The following STK32A variants were observed in gnomAD, a reference collection of about 807,000 sequenced individuals.
STK32A encodes the protein serine/threonine kinase 32A, also known as serine/threonine-protein kinase 32A.
In STK32A, 41 loss-of-function variants were observed where a neutral mutation model predicts 53.2. The ratio of observed to expected loss-of-function variants is 0.77; its 90% CI spans 0.60 to 1.00. The LOEUF (loss-of-function observed/expected upper bound fraction) is 1.00. Ranked by LOEUF, STK32A falls within the 50% of genes least tolerant of loss-of-function variation. STK32A has a pLI of 0.00. For synonymous variants in STK32A, 166 were observed against 162.8 expected (o/e 1.02, Z -0.15); for missense variants, 458 against 485.8 (o/e 0.94, Z 0.54).
At chr5:147,248,357 G>T (rs2151941196) in intron 2 of STK32A, among the ~76,000 whole-genome samples, 1 of 151,960 alleles carries the variant, frequency 6.6e-6, no homozygotes, top group East Asian at 1.9e-4. Flanking sequence ...ATTCTTCCCT[G>T]TCATTCAGTT....
chr5:147,303,052 A>C (rs182651750), intron 4 of STK32A, among the ~76,000 whole-genome samples: 2 of 152,302 alleles, frequency 1.3e-5, no homozygotes, highest in East Asian at 3.9e-4. Context: ...TAAGGATATA[A>C]AAGATCATTT....
chr5:147,333,978 T>G (rs1384469679), intron 5 of STK32A, among the ~76,000 whole-genome samples: 2 of 152,098 alleles, frequency 1.3e-5, no homozygotes, highest in African/African-American at 4.8e-5. Flanking sequence ...TAACATTATA[T>G]ATAAGAAAGC....
intron 4 of STK32A, among the ~76,000 whole-genome samples, chr5:147,312,304 A>G (rs1327117027): frequency 6.6e-6 from 1 of 152,062 alleles, no homozygotes; most frequent in Non-Finnish European, 1.5e-5. Flanking sequence ...GGGTTTTGCC[A>G]TATTGGCCAT....
intron 7 of STK32A, among the ~76,000 whole-genome samples, chr5:147,359,722 A>G (rs2151997299): frequency 6.6e-6 from 1 of 152,252 alleles, no homozygotes; most frequent in South Asian, 2.1e-4. Flanking sequence ...TTACCTCCCA[A>G]ATTGCACTGG....
In STK32A at chr5:147,287,726, A is replaced by G. The variant is rs542530928; in HGVS notation, c.260+8328A>G. On this transcript the variant is annotated intron_variant, in intron 4 of 12. Coordinates refer to ENST00000397936, the MANE Select transcript of STK32A (RefSeq NM_001112724.2). ...AAATGGATGCAGCTCTTTCTTCCCT[A>G]CCCTTAGCAATCATCAAATTGCCTT... 3.9e-5 allele frequency among the ~76,000 whole-genome samples: 6 copies of G among 152,112 alleles called. No individual in the cohort carries two copies. The South Asian group carries it at 1.2e-3, about 32-fold the overall frequency.
intron 6 of STK32A, among the ~76,000 whole-genome samples, chr5:147,350,728 T>C (rs1473975235): frequency 1.3e-5 from 2 of 152,158 alleles, no homozygotes; most frequent in African/African-American, 4.8e-5. Flanking sequence ...ATACTTTGAG[T>C]ATCTCTTGGC....
intron 7 of STK32A, among the ~76,000 whole-genome samples, chr5:147,355,017 G>T (rs1286720127): frequency 6.6e-6 from 1 of 152,042 alleles, no homozygotes. Flanking sequence ...CAATGGTTTG[G>T]TAAAATCTAC....
intron 11 of STK32A, among the ~76,000 whole-genome samples, chr5:147,376,382 A>C (rs1010112727): frequency 6.6e-6 from 1 of 152,096 alleles, no homozygotes; most frequent in African/African-American, 2.4e-5. Flanking sequence ...TGATCATGTC[A>C]TAACCAACCC....
At chr5:147,370,553 A>T in intron 8 of STK32A, 101 bp from the exon 9 acceptor site, 1 of 688,288 alleles carries the variant, frequency 1.5e-6, no homozygotes, top group Non-Finnish European at 2.5e-6. Context: ...AAATTGATAT[A>T]GATATTTTAT....
At chr5:147,300,157 G>T (rs1753061304) in intron 4 of STK32A, among the ~76,000 whole-genome samples, 1 of 152,144 alleles carries the variant, frequency 6.6e-6, no homozygotes. Context: ...CTATTACTTT[G>T]GGTTTTACAT....
the STK32A span, chr5:147,397,576 A>G: frequency 1.5e-6 from 2 of 1,365,068 alleles, no homozygotes; most frequent in Non-Finnish European, 2.0e-6. Context: ...GAGTCTAGAG[A>G]TCACAGTGCC....
intron 7 of STK32A, among the ~76,000 whole-genome samples, chr5:147,355,790 G>GTATATATATA (rs1276723577): frequency 6.5e-5 from 9 of 137,790 alleles, no homozygotes; most frequent in African/African-American, 2.4e-4. Context: ...GAGTGTGTGT[G>GTATATATATA]TGTATATATA....
intron 6 of STK32A, among the ~76,000 whole-genome samples, chr5:147,343,566 A>G (rs1351013145): frequency 3.3e-5 from 5 of 152,226 alleles, no homozygotes; most frequent in Non-Finnish European, 7.3e-5. Flanking sequence ...TTTTAGGGTC[A>G]TTGTAAAGAC....
Position 147,260,810 on chromosome 5 carries a change from G to A in STK32A, c.53-17314G>A, listed in dbSNP as rs554644534. 7.2e-5 allele frequency among the ~76,000 whole-genome samples: 11 copies of A among 152,292 alleles called. No individual in the cohort carries two copies. The South Asian group carries it at 2.1e-3, about 29-fold the overall frequency. ...TGAGGCAGCTAGGGAACCGCAGAGA[G>A]GACCCACTCACTCCGTCCAGCAGTA... On this transcript the variant is annotated intron_variant, in intron 2 of 12. Coordinates refer to ENST00000397936, the MANE Select transcript of STK32A (RefSeq NM_001112724.2).
At chr5:147,389,495 C>T (rs905561029), downstream of STK32A, among the ~76,000 whole-genome samples, 3 of 152,110 alleles carry the variant, frequency 2.0e-5, no homozygotes, top group South Asian at 4.1e-4. Context: ...GTCTTTTTAG[C>T]GGGAACTATT....
At chr5:147,363,750 C>T (rs1756620095) in intron 8 of STK32A, among the ~76,000 whole-genome samples, 1 of 152,198 alleles carries the variant, frequency 6.6e-6, no homozygotes, top group South Asian at 2.1e-4. Flanking sequence ...CAGCTACACT[C>T]TAGTGTGCTC....
intron 2 of STK32A, among the ~76,000 whole-genome samples, chr5:147,259,898 T>TCCCCTCTCTCTCTCC (rs532374404): frequency 0.05 from 6,942 of 138,394 alleles, 759 homozygotes; most frequent in African/African-American, 0.19. Context: ...TCTTTCTCTC[T>TCCCCTCTCTCTCTCC]CCTCTCTCTC....
chr5:147,253,441 A>T (rs971080101), intron 2 of STK32A, among the ~76,000 whole-genome samples: 1 of 152,210 alleles, frequency 6.6e-6, no homozygotes, highest in Non-Finnish European at 1.5e-5. Context: ...AAATATAGTC[A>T]GTTGAATTGC....
intron 4 of STK32A, among the ~76,000 whole-genome samples, chr5:147,314,740 CT>C (rs780298418): frequency 1.8e-3 from 248 of 135,978 alleles, no homozygotes; most frequent in African/African-American, 2.5e-3. Context: ...CTTTCTTTTT[CT>C]TTTTTTTTTT....
Sources: allele counts gnomAD v4.1 joint callset (sites outside exome capture counted in the v4.1 genomes callset), GRCh38; gene constraint gnomAD v4.1.1; transcripts MANE v1.5; gene names NCBI Gene and HGNC (gene_info 2026-07-23, HGNC 2026-07-21).